The following NLGN4X variants were observed in gnomAD, a reference collection of about 807,000 sequenced individuals.
The protein encoded by NLGN4X is neuroligin-4, X-linked.
A neutral mutation model predicts 40.3 loss-of-function variants in NLGN4X; 3 were observed. That is an observed-to-expected ratio of 0.07 (90% confidence interval 0.03 to 0.19). The LOEUF is 0.19. NLGN4X is among the 10% of genes least tolerant of loss of function. The pLI, the probability that NLGN4X is intolerant of heterozygous loss-of-function variation, is 1.00. For synonymous variants in NLGN4X, 270 were observed against 306.8 expected (o/e 0.88, Z 1.25); for missense variants, 382 against 708.3 (o/e 0.54, Z 5.23).
At chrX:6,054,144 T>TA (rs1159357238) in intron 2 of NLGN4X, among the ~76,000 whole-genome samples, 1 of 112,235 alleles carries the variant, frequency 8.9e-6, no homozygotes, top group African/African-American at 3.2e-5. Flanking sequence ...ACTTTTTTTT[T>TA]ATTTATTTTT....
chrX:6,165,000 C>T (rs1378085105), intron 1 of NLGN4X, among the ~76,000 whole-genome samples: 2 of 111,402 alleles, frequency 1.8e-5, no homozygotes, highest in East Asian at 2.8e-4. Context: ...GAGTATGACA[C>T]TGTACAAGCT....
chrX:6,021,315 G>A (rs954515860), intron 3 of NLGN4X, among the ~76,000 whole-genome samples: 7 of 109,190 alleles, frequency 6.4e-5, no homozygotes, highest in South Asian at 4.1e-4. Flanking sequence ...AGCTGAGGAC[G>A]AGGGAGCCTC....
intron 1 of NLGN4X, among the ~76,000 whole-genome samples, chrX:6,165,702 G>GT (rs1207042938): frequency 1.8e-5 from 2 of 111,224 alleles, no homozygotes; most frequent in African/African-American, 6.5e-5. Context: ...ACACATGCAG[G>GT]TTTTTTAAAG....
At chrX:6,111,389 A>C (rs2039145109) in intron 2 of NLGN4X, among the ~76,000 whole-genome samples, 1 of 111,281 alleles carries the variant, frequency 9.0e-6, no homozygotes, top group Non-Finnish European at 1.9e-5. Flanking sequence ...GGCCCTCACT[A>C]GACACTGAAT....
intron 3 of NLGN4X, among the ~76,000 whole-genome samples, chrX:6,024,184 T>C (rs1282382266): frequency 8.9e-6 from 1 of 111,756 alleles, no homozygotes; most frequent in Non-Finnish European, 1.9e-5. Flanking sequence ...TCTAATCTTC[T>C]TAGGGGTAAA....
At chrX:6,119,001 A>G (rs949516029) in intron 2 of NLGN4X, among the ~76,000 whole-genome samples, 1 of 112,102 alleles carries the variant, frequency 8.9e-6, no homozygotes, top group Admixed American at 9.5e-5. Flanking sequence ...TAAAAATAAT[A>G]ACTGTGTGGG....
At chrX:6,086,303 T>C (rs2038494916) in intron 2 of NLGN4X, among the ~76,000 whole-genome samples, 1 of 112,439 alleles carries the variant, frequency 8.9e-6, no homozygotes, top group Non-Finnish European at 1.9e-5. Context: ...ATATAAAATT[T>C]AATTTTCAAA....
intron 3 of NLGN4X, among the ~76,000 whole-genome samples, chrX:5,916,433 ATTTAT>A (rs72087985): frequency 0.13 from 14,067 of 110,103 alleles, 750 homozygotes; most frequent in African/African-American, 0.18. Flanking sequence ...ACTACATATC[ATTTAT>A]TTTATTTTAT....
intron 5 of NLGN4X, among the ~76,000 whole-genome samples, chrX:5,897,009 C>T (rs1197646827): frequency 9.0e-6 from 1 of 111,431 alleles, no homozygotes; most frequent in Non-Finnish European, 1.9e-5. Flanking sequence ...TCATAGGATA[C>T]CAGCACATTC....
chrX:6,050,775 C>CTAT lies in NLGN4X; in HGVS notation c.473-21344_473-21343insATA, dbSNP rs1322765556. 1.0e-3 allele frequency among the ~76,000 whole-genome samples: 80 copies of CTAT among 76,631 alleles called. 1 individual carries two copies. The highest frequency in any genetic ancestry group is 2.1e-3 in the Admixed American group (12 of 5,624). 66.5% of individuals were successfully genotyped at this position (76,631 alleles called of 115,157 possible). ...TATTCACCCATGTCTGTCTGTCTGT[C>CTAT]CATCTATCTATCTATCTATCTATCT... is the stretch of plus-strand genomic sequence containing the variant. On this transcript the variant is annotated intron_variant, in intron 2 of 5. Coordinates refer to ENST00000381095, the MANE Select transcript of NLGN4X (RefSeq NM_181332.3).
chrX:5,907,353 C>A (rs2032241753), intron 4 of NLGN4X, among the ~76,000 whole-genome samples: 1 of 111,740 alleles, frequency 8.9e-6, no homozygotes, highest in South Asian at 3.7e-4. Flanking sequence ...TCTTTGAAGT[C>A]TCTCATCGGA....
At chrX:6,183,482 G>A (rs1012266658) in intron 1 of NLGN4X, among the ~76,000 whole-genome samples, 1 of 110,541 alleles carries the variant, frequency 9.0e-6, no homozygotes, top group Non-Finnish European at 1.9e-5. Flanking sequence ...GGGAGGCGGA[G>A]TTTGCAGTGA....
intron 1 of NLGN4X, among the ~76,000 whole-genome samples, chrX:6,152,189 C>T (rs143119292): frequency 4.5e-5 from 5 of 111,296 alleles, no homozygotes; most frequent in East Asian, 2.8e-4. Flanking sequence ...TCCTACCCCT[C>T]GACCTTTCAA....
At chrX:6,013,535 AG>A (rs66531350) in intron 3 of NLGN4X, among the ~76,000 whole-genome samples, 34,024 of 110,490 alleles carry the variant, frequency 0.31, 4,727 homozygotes, top group East Asian at 0.58. Context: ...CTAGGGAGAG[AG>A]AGGTAGTATG....
chrX:5,905,468 T>C (rs1333683332), intron 4 of NLGN4X, among the ~76,000 whole-genome samples: 1 of 112,246 alleles, frequency 8.9e-6, no homozygotes, highest in Non-Finnish European at 1.9e-5. Context: ...AGCTGATGTA[T>C]ATCTTAGGTA....
intron 3 of NLGN4X, 66 bp from the exon 4 acceptor site, chrX:5,909,305 T>G: frequency 9.1e-7 from 1 of 1,098,524 alleles, no homozygotes; most frequent in Non-Finnish European, 1.3e-6. Context: ...CTCTGCTATT[T>G]GAAAAGATAT....
chrX:6,071,743 G>A (rs987703575), intron 2 of NLGN4X, among the ~76,000 whole-genome samples: 1 of 111,891 alleles, frequency 8.9e-6, no homozygotes, highest in African/African-American at 3.3e-5. Context: ...ATTTTAACGG[G>A]GTCACCAGGG....
chrX:5,923,616 CT>C (rs2033158847), intron 3 of NLGN4X, among the ~76,000 whole-genome samples: 1 of 111,777 alleles, frequency 8.9e-6, no homozygotes, highest in Non-Finnish European at 1.9e-5. Flanking sequence ...GGAAACTCCC[CT>C]TTTTAAAACC....
In NLGN4X at chrX:6,015,216, C is replaced by G. The variant is rs12013104; in HGVS notation, c.625+14064G>C. ...TTTTTTCTCTGTTTTGTTTGCTACT[C>G]CATTTTCAATGGAAGTTGTTATACC... is the stretch of plus-strand genomic sequence containing the variant. On this transcript the variant is annotated intron_variant, in intron 3 of 5. Transcript: ENST00000381095. Among the ~76,000 whole-genome samples the G allele has an allele frequency of 9.2e-3, 1,025 of 111,668 alleles. 11 individuals carry two copies. The highest frequency in any genetic ancestry group is 0.032 in the African/African-American group (972 of 30,757).
Sources: gnomAD v4.1 joint callset for allele counts (sites outside exome capture counted in the v4.1 genomes callset) on GRCh38, gnomAD v4.1.1 for gene constraint, MANE v1.5 for transcripts, NCBI Gene and HGNC (gene_info 2026-07-23, HGNC 2026-07-21) for gene names.